The following GPR63 variants were observed in gnomAD, a reference collection of about 807,000 sequenced individuals.
GPR63 encodes G protein-coupled receptor 63, also known as probable G protein-coupled receptor 63.
Under a neutral mutation model 23.1 loss-of-function variants are expected in GPR63, and 12 were observed. The ratio of observed to expected loss-of-function variants is 0.52; its 90% CI spans 0.33 to 0.84. The LOEUF (loss-of-function observed/expected upper bound fraction) is 0.84. GPR63 is among the 40% of genes least tolerant of loss of function. The pLI, the probability that GPR63 is intolerant of heterozygous loss-of-function variation, is 0.02. For synonymous variants in GPR63, 172 were observed against 191.1 expected (o/e 0.90, Z 0.82); for missense variants, 472 against 515.6 (o/e 0.92, Z 0.82).
At chr6:96,833,441 C>T (rs777216210) in intron 1 of GPR63, among the ~76,000 whole-genome samples, 10 of 152,176 alleles carry the variant, frequency 6.6e-5, no homozygotes, top group South Asian at 4.1e-4. Context: ...AAGTTACCTA[C>T]GCATTTGTTT....
chr6:96,797,739 T>TC lies in GPR63; in HGVS notation c.*732dup, dbSNP rs1455814974. Reference sequence around the variant, plus strand: ...ACCTTTTAAATTTGCAAGGATCCTGTCTCCTAGATTTTGCGCTATTGCTTG... The same window carrying TC: ...ACCTTTTAAATTTGCAAGGATCCTGTCCTCCTAGATTTTGCGCTATTGCTTG... On this transcript the variant is annotated 3_prime_UTR_variant, in exon 2 of 2. Transcript: ENST00000229955. The TC allele has an allele frequency of 3.3e-5, 5 of 152,348 alleles. No homozygotes were observed. Among genetic ancestry groups the TC allele is most frequent in the African/African-American group, 1.2e-4 (5 of 41,558 alleles). 9.4% of individuals were successfully genotyped at this position (152,348 alleles called of 1,614,324 possible).
In GPR63 at chr6:96,799,175, C is replaced by T. The variant is rs755822085; in HGVS notation, c.557G>A (p.Arg186Lys). The change falls in exon 2 of 2, where the codon AGG (arginine) becomes AAG (lysine). Residue 186 changes from arginine (R) to lysine (K), a missense_variant. Transcript: ENST00000229955. ...TCTATATGGGTTTAGCTTATCCTGC[C>T]TCTGGACTATAATAAGGAACCTATC... ...SIDRFLIIVQ[R>K]QDKLNPYRAK... The T allele has an allele frequency of 6.2e-7, 1 of 1,614,136 alleles. No individual in the cohort carries two copies. The highest frequency in any genetic ancestry group is 1.1e-5 in the South Asian group (1 of 91,080).
chr6:96,822,191 A>C (rs896742391), intron 1 of GPR63, among the ~76,000 whole-genome samples: 10 of 152,186 alleles, frequency 6.6e-5, no homozygotes, highest in African/African-American at 1.9e-4. Flanking sequence ...GTGGGAAACC[A>C]GAAAATAACA....
intron 1 of GPR63, among the ~76,000 whole-genome samples, chr6:96,816,459 C>A (rs765769386): frequency 2.6e-5 from 4 of 152,192 alleles, no homozygotes; most frequent in Non-Finnish European, 5.9e-5. Flanking sequence ...CAGACCAACA[C>A]TCCCACCAAA....
chr6:96,822,054 A>G (rs556069029), intron 1 of GPR63, among the ~76,000 whole-genome samples: 2 of 147,478 alleles, frequency 1.4e-5, no homozygotes, highest in East Asian at 3.9e-4. Flanking sequence ...ACACACACTT[A>G]AAAAAAAAAA....
Position 96,822,466 on chromosome 6 carries a change from A to T in GPR63, c.-151+14802T>A, listed in dbSNP as rs140432327. ...TAGTATTCAAAGTGGCCACCAGATAAAGACAAAAGAAATGTTGACAGCGTC... is the reference window on the plus strand; with the variant it reads ...TAGTATTCAAAGTGGCCACCAGATATAGACAAAAGAAATGTTGACAGCGTC... On this transcript the variant is annotated intron_variant, in intron 1 of 1. Transcript: ENST00000229955. 2.7e-3 allele frequency among the ~76,000 whole-genome samples: 412 copies of T among 152,308 alleles called. 2 individuals are homozygous for T. The highest frequency in any genetic ancestry group is 9.6e-3 in the African/African-American group (401 of 41,556).
chr6:96,810,542 AC>A (rs1256927223), intron 1 of GPR63, among the ~76,000 whole-genome samples: 1 of 152,114 alleles, frequency 6.6e-6, no homozygotes, highest in East Asian at 1.9e-4. Flanking sequence ...TGTGATACAT[AC>A]ATACTAGGAA....
intron 1 of GPR63, among the ~76,000 whole-genome samples, chr6:96,801,275 C>T (rs1773758311): frequency 6.6e-6 from 1 of 151,698 alleles, no homozygotes; most frequent in Non-Finnish European, 1.5e-5. Context: ...TCTCAGCTCA[C>T]CGCAACCTCC....
chr6:96,825,485 C>T (rs1419844849), intron 1 of GPR63, among the ~76,000 whole-genome samples: 1 of 151,768 alleles, frequency 6.6e-6, no homozygotes, highest in Non-Finnish European at 1.5e-5. Context: ...TGTCTTCTAC[C>T]TACTTAAAAA....
At chr6:96,834,232 A>G (rs1774663743) in intron 1 of GPR63, among the ~76,000 whole-genome samples, 1 of 152,240 alleles carries the variant, frequency 6.6e-6, no homozygotes, top group East Asian at 1.9e-4. Context: ...TACCGCCTCA[A>G]GCCAACCAAA....
At chr6:96,807,553 G>T (rs1021581982) in intron 1 of GPR63, among the ~76,000 whole-genome samples, 1 of 152,106 alleles carries the variant, frequency 6.6e-6, no homozygotes, top group Non-Finnish European at 1.5e-5. Context: ...AGTATCCTGT[G>T]CCTCCTTCCT....
intron 1 of GPR63, among the ~76,000 whole-genome samples, chr6:96,818,103 T>C (rs1756666212): frequency 6.6e-6 from 1 of 151,990 alleles, no homozygotes; most frequent in African/African-American, 2.4e-5. Flanking sequence ...TTTTTTAAAA[T>C]GCTAAAATTT....
intron 1 of GPR63, among the ~76,000 whole-genome samples, chr6:96,806,589 C>T (rs1773903072): frequency 6.6e-6 from 1 of 152,140 alleles, no homozygotes; most frequent in Admixed American, 6.5e-5. Context: ...AAAGGTCAGA[C>T]CAGATCTTTA....
At position 96,799,341 on chromosome 6, in the gene GPR63, C is replaced by T; in HGVS notation, c.391G>A (p.Ala131Thr). The T allele has an allele frequency of 1.9e-6, 3 of 1,614,138 alleles. No individual in the cohort carries two copies. The highest frequency in any genetic ancestry group is 2.5e-6 in the Non-Finnish European group (3 of 1,180,010). The change falls in exon 2 of 2, where the codon GCA becomes ACA. Residue 131 changes from alanine (A) to threonine (T), a missense_variant. Transcript: ENST00000229955. ...AGGGCAAAGGGCATGTTCAGCACTG[C>T]AAGCAACATGTCTGCAAAAGCTAGG... ...ASLAFADMLLAVLNMPFALVT... is the reference protein window; with the variant it reads ...ASLAFADMLLTVLNMPFALVT...
At chr6:96,831,814 G>A (rs1380920672) in intron 1 of GPR63, among the ~76,000 whole-genome samples, 1 of 152,042 alleles carries the variant, frequency 6.6e-6, no homozygotes, top group Non-Finnish European at 1.5e-5. Context: ...GCTGAAGCAT[G>A]AGAATCGCTT....
chr6:96,827,046 T>TG (rs1774457101), intron 1 of GPR63, among the ~76,000 whole-genome samples: 1 of 122,498 alleles, frequency 8.2e-6, no homozygotes, highest in African/African-American at 3.0e-5. Flanking sequence ...GAACACAGTC[T>TG]AAAAAAAAAA....
At position 96,795,401 on chromosome 6, in the gene GPR63, T is replaced by C. The variant is rs775016644; in HGVS notation, c.*3071A>G. On this transcript the variant is annotated 3_prime_UTR_variant, in exon 2 of 2. Transcript: ENST00000229955. Reference sequence around the variant, plus strand: ...AAAATATGGGGGAATAGGCAACATATGATTTTGCACCTACGTTTCTCAAAG... The same window carrying C: ...AAAATATGGGGGAATAGGCAACATACGATTTTGCACCTACGTTTCTCAAAG... The C allele has an allele frequency of 1.3e-5, 2 of 152,208 alleles. No homozygotes were observed. The highest frequency in any genetic ancestry group is 2.4e-5 in the African/African-American group (1 of 41,450). The allele number at this position is 152,208 out of a possible 1,614,324, so 9.4% of individuals were successfully genotyped here. A position where few individuals can be genotyped will look rare whatever the true frequency, so the allele number is the denominator to read the frequency against.
chr6:96,825,979 G>A (rs1301193357), intron 1 of GPR63, among the ~76,000 whole-genome samples: 1 of 150,954 alleles, frequency 6.6e-6, no homozygotes, highest in East Asian at 1.9e-4. Flanking sequence ...AAAAATTTGA[G>A]GATGTTATAA....
rs1205371781 is a variant in GPR63, at chr6:96,797,504, A to G, written c.*968T>C. On this transcript the variant is annotated 3_prime_UTR_variant, in exon 2 of 2. Coordinates refer to ENST00000229955, the MANE Select transcript of GPR63 (RefSeq NM_030784.4). Reference sequence around the variant, plus strand: ...TACCACTAACCTTGGGCAGGATTTTAGTCCCTCTGAGACCTGCTTTCTTCA... The same window carrying G: ...TACCACTAACCTTGGGCAGGATTTTGGTCCCTCTGAGACCTGCTTTCTTCA... 1 of 152,352 alleles carries G rather than the reference A, an allele frequency of 6.6e-6. No homozygotes were observed. Among genetic ancestry groups the G allele is most frequent in the African/African-American group, 2.4e-5 (1 of 41,558 alleles). 9.4% of individuals were successfully genotyped at this position (152,352 alleles called of 1,614,324 possible).
Sources: allele counts gnomAD v4.1 joint callset (sites outside exome capture counted in the v4.1 genomes callset), GRCh38; gene constraint gnomAD v4.1.1; transcripts MANE v1.5; gene names NCBI Gene and HGNC (gene_info 2026-07-23, HGNC 2026-07-21).